DOCK9: variants seen among roughly 807,000 people sequenced by gnomAD.
The protein encoded by DOCK9 is dedicator of cytokinesis 9, also known as dedicator of cytokinesis protein 9.
In DOCK9, 89 loss-of-function variants were observed where a neutral mutation model predicts 263.3. That is an observed-to-expected ratio of 0.34 (90% CI 0.28 to 0.40). The LOEUF (loss-of-function observed/expected upper bound fraction) is 0.40, where lower values mean the gene tolerates loss of function less well. Among genes scored for constraint, DOCK9 ranks in the 10% least tolerant of loss-of-function variants. The pLI, the probability that DOCK9 is intolerant of heterozygous loss-of-function variation, is 1.00. For missense variants in DOCK9, 2,140 were observed against 2,603.4 expected (o/e 0.82, Z 3.87); for synonymous variants, 976 against 973.1 (o/e 1.00, Z -0.06).
intron 2 of DOCK9, among the ~76,000 whole-genome samples, chr13:98,938,139 G>A (rs1412174665): frequency 1.3e-5 from 2 of 152,230 alleles, no homozygotes; most frequent in Admixed American, 1.3e-4. Flanking sequence ...TCCATCAGTA[G>A]CAGCCAATAC....
At chr13:98,836,793 G>C (rs1594519747) in intron 39 of DOCK9, among the ~76,000 whole-genome samples, 3 of 152,292 alleles carry the variant, frequency 2.0e-5, no homozygotes, top group Admixed American at 6.5e-5. Flanking sequence ...AAGTAAAGCA[G>C]AGAATGACTT....
At chr13:99,042,683 C>G (rs1485137703) in intron 1 of DOCK9, among the ~76,000 whole-genome samples, 1 of 152,188 alleles carries the variant, frequency 6.6e-6, no homozygotes, top group Non-Finnish European at 1.5e-5. Context: ...TACTATTCCC[C>G]AGGCGTTTAC....
intron 13 of DOCK9, among the ~76,000 whole-genome samples, chr13:98,898,873 A>C (rs1333785143): frequency 1.3e-5 from 2 of 152,158 alleles, no homozygotes; most frequent in Non-Finnish European, 2.9e-5. Context: ...TTCACAGTGT[A>C]CAATGAAGCT....
At chr13:99,029,725 CT>C (rs937644886) in intron 1 of DOCK9, among the ~76,000 whole-genome samples, 4 of 152,172 alleles carry the variant, frequency 2.6e-5, no homozygotes, top group Admixed American at 2.6e-4. Context: ...TCATACATTG[CT>C]GACAAAGCCA....
At chr13:99,067,099 G>C (rs1318092552) in intron 1 of DOCK9, among the ~76,000 whole-genome samples, 2 of 152,106 alleles carry the variant, frequency 1.3e-5, no homozygotes, top group Non-Finnish European at 2.9e-5. Context: ...GAGCAAAATA[G>C]CCAAGCGGCA....
chr13:98,837,675 A>T, intron 38 of DOCK9, 66 bp from the exon 39 acceptor site: 1 of 1,044,786 alleles, frequency 9.6e-7, no homozygotes, highest in Non-Finnish European at 1.4e-6. Context: ...AGGATGCGGT[A>T]GGCACAGTCA....
At chr13:98,949,696 C>G (rs1325330484) in intron 2 of DOCK9, 2 of 262,314 alleles carry the variant, frequency 7.6e-6, no homozygotes, top group Non-Finnish European at 1.5e-5. Context: ...TTCCACTACA[C>G]TGTGCTTTCA....
At chr13:98,824,579 C>T in intron 44 of DOCK9, 75 bp from the exon 45 acceptor site, 1 of 1,256,690 alleles carries the variant, frequency 8.0e-7, no homozygotes, top group South Asian at 1.2e-5. Flanking sequence ...TTTTCCTGCC[C>T]TGTGTGTTTC....
At chr13:98,842,143 G>T (rs1273674486) in intron 38 of DOCK9, among the ~76,000 whole-genome samples, 2 of 152,080 alleles carry the variant, frequency 1.3e-5, no homozygotes, top group African/African-American at 4.8e-5. Context: ...TCATTTTCCT[G>T]CTTGTGCTTT....
chr13:99,086,781 G>A (rs1346781324), upstream of DOCK9, among the ~76,000 whole-genome samples: 1 of 149,204 alleles, frequency 6.7e-6, no homozygotes, highest in Non-Finnish European at 1.5e-5. Flanking sequence ...AGGTCGGCGC[G>A]GCCCGGCGCT....
At chr13:99,079,005 CGAAT>C (rs1305509330) in intron 1 of DOCK9, among the ~76,000 whole-genome samples, 4 of 152,170 alleles carry the variant, frequency 2.6e-5, no homozygotes, top group African/African-American at 9.7e-5. Flanking sequence ...AGCCAGTCAA[CGAAT>C]GTATATAAGA....
chr13:98,823,806 A>T (rs979639136), intron 45 of DOCK9, among the ~76,000 whole-genome samples: 1 of 152,216 alleles, frequency 6.6e-6, no homozygotes, highest in Non-Finnish European at 1.5e-5. Context: ...AAGAAACTGG[A>T]ATTTGCAGAC....
chr13:98,916,145 G>T (rs12428129), intron 7 of DOCK9, among the ~76,000 whole-genome samples: 19,605 of 152,204 alleles, frequency 0.13, 1,389 homozygotes, highest in South Asian at 0.25. Flanking sequence ...GTAACAGACG[G>T]AAGATGAACA....
intron 2 of DOCK9, among the ~76,000 whole-genome samples, chr13:98,943,959 T>A (rs1395133377): frequency 6.6e-6 from 1 of 152,220 alleles, no homozygotes; most frequent in African/African-American, 2.4e-5. Context: ...TATCCATGCC[T>A]GTTGATTACC....
At chr13:98,826,758 G>T (rs2092558054) in intron 44 of DOCK9, 72 bp downstream of exon 44, 2 of 1,202,886 alleles carry the variant, frequency 1.7e-6, no homozygotes, top group Non-Finnish European at 2.4e-6. Context: ...TTCCTGAATG[G>T]CTCTCACTTG....
In DOCK9 at chr13:98,951,903, C is replaced by CTTTTTTTTTTTTTTTTTTT. The variant is rs71114563; in HGVS notation, c.243+3531_243+3532insAAAAAAAAAAAAAAAAAAA. Among the ~76,000 whole-genome samples, 137 of 134,802 alleles carry CTTTTTTTTTTTTTTTTTTT rather than the reference C, an allele frequency of 1.0e-3. 5 individuals carry two copies. Among genetic ancestry groups the CTTTTTTTTTTTTTTTTTTT allele is most frequent in the Middle Eastern group, 4.1e-3 (1 of 242 alleles). The allele number at this position is 134,802 out of a possible 152,430, so 88.4% of individuals were successfully genotyped here. Reference sequence around the variant, plus strand: ...ATGTACTTTACTTCATTAATATTCCCTTTTTTTTTTTGAGATGGAGTTTTC... The same window carrying CTTTTTTTTTTTTTTTTTTT: ...ATGTACTTTACTTCATTAATATTCCCTTTTTTTTTTTTTTTTTTTTTTTTTTTTTTGAGATGGAGTTTTC... On this transcript the variant is annotated intron_variant, in intron 2 of 52. Transcript: ENST00000682017.
intron 1 of DOCK9, among the ~76,000 whole-genome samples, chr13:99,043,530 C>T (rs1266953127): frequency 1.3e-5 from 2 of 152,158 alleles, no homozygotes; most frequent in African/African-American, 4.8e-5. Context: ...AGTTGCCATG[C>T]AGAACCCAGG....
chr13:98,880,055 A>T, intron 26 of DOCK9, 86 bp from the exon 27 acceptor site: 4 of 1,078,348 alleles, frequency 3.7e-6, no homozygotes, highest in South Asian at 3.1e-5. Flanking sequence ...AATATTATTG[A>T]CATAAAGCAG....
intron 27 of DOCK9, among the ~76,000 whole-genome samples, chr13:98,877,053 TTTGTG>T (rs1198640988): frequency 3.3e-5 from 5 of 152,218 alleles, no homozygotes; most frequent in Admixed American, 2.6e-4. Flanking sequence ...ATTTGAGTGG[TTTGTG>T]TTAAGTTCCA....
Sources: allele counts gnomAD v4.1 joint callset (sites outside exome capture counted in the v4.1 genomes callset), GRCh38; gene constraint gnomAD v4.1.1; transcripts MANE v1.5; gene names NCBI Gene and HGNC (gene_info 2026-07-23, HGNC 2026-07-21).